BRAF: variants seen among roughly 807,000 people sequenced by gnomAD.
BRAF encodes the protein B-Raf proto-oncogene, serine/threonine kinase, also known as serine/threonine-protein kinase B-raf.
BRAF carries 16 observed loss-of-function variants against 104.6 expected under a neutral mutation model. The observed-to-expected ratio is 0.15, with a 90% CI of 0.10 to 0.23. BRAF has a LOEUF of 0.23. Among genes scored for constraint, BRAF ranks in the 10% least tolerant of loss-of-function variants. The pLI, the probability that BRAF is intolerant of heterozygous loss-of-function variation, is 1.00. For synonymous variants in BRAF, 310 were observed against 341.6 expected (o/e 0.91, Z 1.02); for missense variants, 541 against 937.3 (o/e 0.58, Z 5.52).
intron 9 of BRAF, chr7:140,785,888 A>C (rs1801303663): frequency 2.5e-6 from 1 of 397,722 alleles, no homozygotes; most frequent in Admixed American, 4.4e-5. Flanking sequence ...ATGGGGAATA[A>C]ACAAGATGAA....
chr7:140,875,300 G>A (rs942968388), intron 1 of BRAF, among the ~76,000 whole-genome samples: 9 of 152,050 alleles, frequency 5.9e-5, no homozygotes, highest in Admixed American at 3.9e-4. Context: ...CAAAAAGGTC[G>A]GTGAATCCAA....
chr7:140,921,293 G>A lies in BRAF; in HGVS notation c.138+3273C>T, dbSNP rs527916517. On this transcript the variant is annotated intron_variant, in intron 1 of 19. Transcript: ENST00000644969. ...AAAATCAGGTAAATATAAATGGTCA[G>A]ATGTTAATGTTTAATGCCAAAAGTA... is the stretch of plus-strand genomic sequence containing the variant. Among the ~76,000 whole-genome samples the A allele has an allele frequency of 1.1e-4, 16 of 152,232 alleles. No individual in the cohort carries two copies. In the South Asian group the frequency reaches 1.5e-3, roughly 14 times the overall value.
intron 3 of BRAF, among the ~76,000 whole-genome samples, chr7:140,811,158 G>A (rs1804218659): frequency 6.6e-6 from 1 of 152,184 alleles, no homozygotes; most frequent in South Asian, 2.1e-4. Flanking sequence ...ACAAGGTTAC[G>A]TATCGACTGA....
downstream of BRAF, among the ~76,000 whole-genome samples, chr7:140,716,762 T>C (rs756531589): frequency 6.6e-6 from 1 of 152,208 alleles, no homozygotes; most frequent in Non-Finnish European, 1.5e-5. Flanking sequence ...CAATTAGTTG[T>C]CTAATAAAGT....
intron 1 of BRAF, among the ~76,000 whole-genome samples, chr7:140,871,180 T>C (rs1259979259): frequency 7.1e-6 from 1 of 140,170 alleles, no homozygotes; most frequent in Non-Finnish European, 1.6e-5. Flanking sequence ...AGGCGGAGCT[T>C]GCAGTGAGCC....
chr7:140,909,844 AC>A lies in BRAF; in HGVS notation c.138+14721del, dbSNP rs1398300865. ...AACAACAACAACAACAACAACAACAACAAAAAAGTGCCTCATACACAAAATG... is the reference window on the plus strand; with the variant it reads ...AACAACAACAACAACAACAACAACAAAAAAAAGTGCCTCATACACAAAATG... On this transcript the variant is annotated intron_variant, in intron 1 of 19. Transcript: ENST00000644969. 1.7e-4 allele frequency among the ~76,000 whole-genome samples: 26 copies of A among 149,096 alleles called. 1 individual carries two copies. Among genetic ancestry groups the A allele is most frequent in the South Asian group, 1.2e-3 (6 of 4,802 alleles).
chr7:140,909,845 CA>C (rs200071347), intron 1 of BRAF, among the ~76,000 whole-genome samples: 1 of 146,840 alleles, frequency 6.8e-6, no homozygotes, highest in Non-Finnish European at 1.5e-5. Flanking sequence ...ACAACAACAA[CA>C]AAAAAGTGCC....
At chr7:140,714,717 A>C (rs1424282900), downstream of BRAF, among the ~76,000 whole-genome samples, 2 of 152,180 alleles carry the variant, frequency 1.3e-5, no homozygotes, top group African/African-American at 4.8e-5. Context: ...CTGGTACTAA[A>C]GAAGATAAGG....
At chr7:140,854,444 G>C (rs958243047) in intron 1 of BRAF, among the ~76,000 whole-genome samples, 10 of 151,986 alleles carry the variant, frequency 6.6e-5, no homozygotes, top group African/African-American at 2.4e-4. Context: ...CTAGTTCAGT[G>C]ATTCTTTCTT....
At chr7:140,794,170 T>C (rs190532077) in intron 8 of BRAF, 138 bp downstream of exon 8, 95 of 1,052,262 alleles carry the variant, frequency 9.0e-5, no homozygotes, top group Non-Finnish European at 1.3e-4. Flanking sequence ...TGATTTGTGA[T>C]TCACAAGAAG....
intron 1 of BRAF, among the ~76,000 whole-genome samples, chr7:140,923,469 CAG>C (rs1818463654): frequency 6.6e-6 from 1 of 151,874 alleles, no homozygotes; most frequent in Admixed American, 6.6e-5. Context: ...AATGCAAAAA[CAG>C]GCTGAGAGAA....
At chr7:140,739,086 A>G (rs1434151727) in intron 18 of BRAF, among the ~76,000 whole-genome samples, 3 of 152,134 alleles carry the variant, frequency 2.0e-5, no homozygotes, top group Non-Finnish European at 4.4e-5. Context: ...AAAAAGACCC[A>G]GTATTAAAGG....
rs544045494 is a variant in BRAF, at chr7:140,859,409, A to G, written c.139-9197T>C. Among the ~76,000 whole-genome samples, 3 of 152,304 alleles carry G rather than the reference A, an allele frequency of 2.0e-5. No homozygotes were observed. In the East Asian group the frequency reaches 5.8e-4, roughly 29 times the overall value. ...CTAGATGTGTCTGGCCAGTGCACACATCTATATGGGGATAACAGACCTTAG... is the reference window on the plus strand; with the variant it reads ...CTAGATGTGTCTGGCCAGTGCACACGTCTATATGGGGATAACAGACCTTAG... On this transcript the variant is annotated intron_variant, in intron 1 of 19. Transcript: ENST00000644969.
At position 140,719,470 on chromosome 7, in the gene BRAF, CTA is replaced by C. The variant is rs1488110927; in HGVS notation, c.*7022_*7023del. On this transcript the variant is annotated 3_prime_UTR_variant, in exon 20 of 20. Coordinates refer to ENST00000644969, the MANE Select transcript of BRAF (RefSeq NM_001374258.1). ...TAAATTTCTTCAATCTGAATTTCAG[CTA>C]TCTTTTTTTATTCTCCATGCTTTCT... The C allele has an allele frequency of 5.9e-6, 6 of 1,018,336 alleles. No homozygotes were observed. The highest frequency in any genetic ancestry group is 7.1e-6 in the Non-Finnish European group (6 of 843,374). The allele number at this position is 1,018,336 out of a possible 1,614,324, so 63.1% of individuals were successfully genotyped here. A position where few individuals can be genotyped will look rare whatever the true frequency, so the allele number is the denominator to read the frequency against.
At chr7:140,910,772 A>G (rs1816879758) in intron 1 of BRAF, among the ~76,000 whole-genome samples, 1 of 152,122 alleles carries the variant, frequency 6.6e-6, no homozygotes, top group African/African-American at 2.4e-5. Context: ...ACTGGGTTCA[A>G]GCAATCCTCC....
chr7:140,920,178 C>A (rs969989616), intron 1 of BRAF, among the ~76,000 whole-genome samples: 3 of 152,038 alleles, frequency 2.0e-5, no homozygotes, highest in African/African-American at 7.2e-5. Flanking sequence ...GTGACTAGAC[C>A]ATACTGGATT....
intron 1 of BRAF, among the ~76,000 whole-genome samples, chr7:140,918,965 C>T (rs1243369299): frequency 6.6e-6 from 1 of 151,698 alleles, no homozygotes; most frequent in Non-Finnish European, 1.5e-5. Context: ...CGGTGAAACC[C>T]CGTCTCTACT....
chr7:140,787,428 G>T (rs2129031358), intron 9 of BRAF, 120 bp downstream of exon 9: 1 of 1,048,838 alleles, frequency 9.5e-7, no homozygotes, highest in South Asian at 1.5e-5. Context: ...AAAAATTTTG[G>T]GTTTCTCTAC....
intron 1 of BRAF, among the ~76,000 whole-genome samples, chr7:140,882,350 A>G (rs1486665953): frequency 6.8e-6 from 1 of 147,848 alleles, no homozygotes; most frequent in Non-Finnish European, 1.5e-5. Flanking sequence ...AGAAATAACT[A>G]TTATTTCTTT....
Sources: allele counts gnomAD v4.1 joint callset (sites outside exome capture counted in the v4.1 genomes callset), GRCh38; gene constraint gnomAD v4.1.1; transcripts MANE v1.5; gene names NCBI Gene and HGNC (gene_info 2026-07-23, HGNC 2026-07-21).